Variants in CEP164 observed in about 807,000 individuals in gnomAD.
The protein encoded by CEP164 is centrosomal protein 164.
In CEP164, 162 loss-of-function variants were observed where a neutral mutation model predicts 182.7. The observed-to-expected ratio is 0.89, with a 90% CI of 0.78 to 1.01. The LOEUF (loss-of-function observed/expected upper bound fraction) is 1.01. CEP164 is among the 50% of genes least tolerant of loss of function. The pLI is 0.00. For missense variants in CEP164, 1,735 were observed against 1,790.4 expected, an observed-to-expected ratio of 0.97 and a Z score of 0.56; for synonymous variants, 661 against 690.0, an observed-to-expected ratio of 0.96 and a Z score of 0.66.
At chr11:117,326,022 T>TCTC (rs1463460725), upstream of CEP164, among the ~76,000 whole-genome samples, 11 of 148,354 alleles carry the variant, frequency 7.4e-5, no homozygotes, top group Admixed American at 7.5e-4. Flanking sequence ...GCGATTCTCC[T>TCTC]CTCTCAGCCT....
chr11:117,351,693 C>T, intron 4 of CEP164, 97 bp from the exon 5 acceptor site: 2 of 1,156,688 alleles, frequency 1.7e-6, no homozygotes, highest in Non-Finnish European at 1.3e-6. Flanking sequence ...TCTTCCTCCT[C>T]TTTCACCTCC....
rs779256327 is a variant in CEP164 at position 117,387,207 on chromosome 11, T to A, written c.1729T>A (p.Ser577Thr). 6.2e-7 allele frequency: 1 copy of A among 1,614,036 alleles called. No homozygotes were observed. Among genetic ancestry groups the A allele is most frequent in the East Asian group, 2.2e-5 (1 of 44,880 alleles). Residue 577 changes from serine (S) to threonine (T), a missense_variant, in exon 15 of 33, where the codon TCC becomes ACC. Physicochemically the swap from Ser to Thr is moderately conservative, Grantham distance 58 (BLOSUM62 1). Coordinates refer to ENST00000278935, the MANE Select transcript of CEP164 (RefSeq NM_014956.5). ...GCCATTCCCCACCCATGGTAGGCGA[T>A]CCACAGAGCCTGTGGCTCCCCCAGA... The part of the protein sequence containing the change: ...PTPPVSPEVR[S>T]TEPVAPPEQL...
chr11:117,376,946 A>G (rs1033440940), intron 11 of CEP164, among the ~76,000 whole-genome samples: 24 of 152,028 alleles, frequency 1.6e-4, no homozygotes, highest in African/African-American at 5.8e-4. Flanking sequence ...CCTGGCCAGT[A>G]TCAGAATTAC....
chr11:117,372,438 A>G (rs769100253), intron 9 of CEP164, among the ~76,000 whole-genome samples: 1 of 133,108 alleles, frequency 7.5e-6, no homozygotes, highest in South Asian at 2.4e-4. Context: ...TTTTTTTGAG[A>G]TGGATTTTCA....
rs554255923 is a variant in CEP164, at chr11:117,403,838, A to G, written c.3502-4087A>G. 1.2e-3 allele frequency among the ~76,000 whole-genome samples: 182 copies of G among 152,116 alleles called. 2 individuals are homozygous for G. Among genetic ancestry groups the G allele is most frequent in the Non-Finnish European group, 2.4e-3 (162 of 68,010 alleles). ...TTTCACATAGTCCCATATTTCTTGG[A>G]GGCTTTGCTTGTTCCTTTTCATTCT... On this transcript the variant is annotated intron_variant, in intron 27 of 32. Transcript: ENST00000278935.
intron 11 of CEP164, among the ~76,000 whole-genome samples, chr11:117,379,538 AG>A: frequency 6.6e-6 from 1 of 152,192 alleles, no homozygotes; most frequent in Middle Eastern, 3.4e-3. Context: ...TTTTTACCTT[AG>A]GCTGGGGGAG....
At chr11:117,372,387 C>T (rs988806098) in intron 9 of CEP164, among the ~76,000 whole-genome samples, 4 of 149,960 alleles carry the variant, frequency 2.7e-5, no homozygotes, top group African/African-American at 4.9e-5. Flanking sequence ...CTGGGATTAT[C>T]GGCGTGAACC....
intron 10 of CEP164, among the ~76,000 whole-genome samples, chr11:117,374,095 A>C (rs1309087473): frequency 1.3e-5 from 2 of 152,162 alleles, no homozygotes; most frequent in East Asian, 3.9e-4. Flanking sequence ...ATATATAATA[A>C]CATTAAAATG....
At chr11:117,330,378 C>T (rs758331265) in intron 1 of CEP164, among the ~76,000 whole-genome samples, 4 of 152,138 alleles carry the variant, frequency 2.6e-5, no homozygotes, top group African/African-American at 9.7e-5. Flanking sequence ...GATTACTTGG[C>T]GCGGTGACTC....
chr11:117,327,730 G>A (rs1258026708), upstream of CEP164: 2 of 152,220 alleles, frequency 1.3e-5, no homozygotes, highest in South Asian at 2.1e-4. Flanking sequence ...AACGGACAGA[G>A]CTCCTGCGTG....
rs2043353568 is a variant in CEP164, at chr11:117,381,870, TA to T, written c.1577+4del. ...CAGCCTGCAGCTGTCCCTCCAGAGG[TA>T]AGGATGAGGGGAAGCATCCTCATGA... On this transcript the variant is annotated splice_donor_region_variant and intron_variant, in intron 13 of 32. Transcript: ENST00000278935. 1 of 1,489,642 alleles carries T rather than the reference TA, an allele frequency of 6.7e-7. No individual in the cohort carries two copies. Among genetic ancestry groups the T allele is most frequent in the African/African-American group, 1.4e-5 (1 of 69,878 alleles). 92.3% of individuals were successfully genotyped at this position (1,489,642 alleles called of 1,614,324 possible). A position where few individuals can be genotyped will look rare whatever the true frequency, so the allele number is the denominator to read the frequency against.
Position 117,363,534 on chromosome 11 carries a change from T to G in CEP164, c.765+28T>G, listed in dbSNP as rs376384904. ...AAGAGCCCTAATCCCTACAGGCACATGTGTCAGCCTGGCATATCCCTCCTG... is the reference window on the plus strand; with the variant it reads ...AAGAGCCCTAATCCCTACAGGCACAGGTGTCAGCCTGGCATATCCCTCCTG... On this transcript the variant is annotated intron_variant, in intron 8 of 32. Transcript: ENST00000278935. 11 of 1,511,286 alleles carry G rather than the reference T, an allele frequency of 7.3e-6. No individual in the cohort carries two copies. The African/African-American group carries it at 1.4e-4, about 19-fold the overall frequency. The allele number at this position is 1,511,286 out of a possible 1,614,324, so 93.6% of individuals were successfully genotyped here. A position where few individuals can be genotyped will look rare whatever the true frequency, so the allele number is the denominator to read the frequency against.
chr11:117,370,929 A>T (rs1272517278), intron 8 of CEP164, 151 bp from the exon 9 acceptor site: 2 of 787,762 alleles, frequency 2.5e-6, no homozygotes, highest in East Asian at 2.7e-5. Context: ...AAAAAAAAAA[A>T]TTAACAACTG....
At chr11:117,361,233 CTTTTTT>C (rs71469129) in intron 5 of CEP164, among the ~76,000 whole-genome samples, 2 of 90,198 alleles carry the variant, frequency 2.2e-5, no homozygotes, top group East Asian at 3.4e-4. Context: ...CTGCGCCTGG[CTTTTTT>C]TTTTTTTTTT....
chr11:117,351,418 A>G (rs765020507), intron 4 of CEP164, among the ~76,000 whole-genome samples: 9 of 152,190 alleles, frequency 5.9e-5, no homozygotes, highest in Admixed American at 2.0e-4. Flanking sequence ...TTATCCTAGC[A>G]CTTACGTTCA....
intron 9 of CEP164, 71 bp from the exon 10 acceptor site, chr11:117,373,680 A>G: frequency 2.2e-6 from 3 of 1,388,594 alleles, no homozygotes; most frequent in Non-Finnish European, 3.1e-6. Flanking sequence ...CCTGAACAGA[A>G]TTCCCTGGGT....
At chr11:117,372,108 A>ATTTTT (rs33975593) in intron 9 of CEP164, among the ~76,000 whole-genome samples, 3 of 133,298 alleles carry the variant, frequency 2.3e-5, no homozygotes, top group Admixed American at 7.7e-5. Context: ...AGTTCAGGGT[A>ATTTTT]TTTTTTTTTT....
chr11:117,374,432 A>G (rs1767282325), intron 10 of CEP164, among the ~76,000 whole-genome samples: 1 of 152,202 alleles, frequency 6.6e-6, no homozygotes, highest in African/African-American at 2.4e-5. Flanking sequence ...GCCATCCTCC[A>G]TCTGTTTGGA....
Position 117,332,064 on chromosome 11 carries a change from A to G in CEP164, c.-97-3541A>G, listed in dbSNP as rs144584200. 3.2e-3 allele frequency among the ~76,000 whole-genome samples: 485 copies of G among 151,478 alleles called. 11 individuals carry two copies. In the East Asian group the frequency reaches 0.038, roughly 12 times the overall value. On this transcript the variant is annotated intron_variant, in intron 1 of 32. Transcript: ENST00000278935. ...GGTCTTGAGCTTCTAGGCTCAAGTGATCCTAGGCCTTGGTCCCCCATAGTA... is the reference window on the plus strand; with the variant it reads ...GGTCTTGAGCTTCTAGGCTCAAGTGGTCCTAGGCCTTGGTCCCCCATAGTA...
Sources: allele counts gnomAD v4.1 joint callset (sites outside exome capture counted in the v4.1 genomes callset), GRCh38; gene constraint gnomAD v4.1.1; transcripts MANE v1.5; gene names NCBI Gene and HGNC (gene_info 2026-07-23, HGNC 2026-07-21).